CDH8: variants seen among roughly 807,000 people sequenced by gnomAD.
CDH8 encodes cadherin-8.
In CDH8, 17 loss-of-function variants were observed where a neutral mutation model predicts 68.1. That is an observed-to-expected ratio of 0.25 (90% CI 0.17 to 0.37). CDH8 has a LOEUF of 0.37. Among genes scored for constraint, CDH8 ranks in the 10% least tolerant of loss-of-function variants. The pLI is 1.00. For synonymous variants in CDH8, 372 were observed against 365.1 expected, an observed-to-expected ratio of 1.02 and a Z score of -0.21; for missense variants, 763 against 999.3, an observed-to-expected ratio of 0.76 and a Z score of 3.19.
At chr16:61,777,223 C>T (rs1297030858) in intron 8 of CDH8, among the ~76,000 whole-genome samples, 2 of 152,108 alleles carry the variant, frequency 1.3e-5, no homozygotes, top group East Asian at 3.9e-4. Context: ...CAATACTATC[C>T]TACCTTTAAA....
At chr16:61,855,676 A>T (rs1449854011) in intron 4 of CDH8, among the ~76,000 whole-genome samples, 1 of 152,164 alleles carries the variant, frequency 6.6e-6, no homozygotes, top group Non-Finnish European at 1.5e-5. Context: ...CATCTAACAC[A>T]TTTCTGTCTT....
At chr16:61,729,680 ATAAT>A (rs1301028446) in intron 8 of CDH8, among the ~76,000 whole-genome samples, 1 of 151,374 alleles carries the variant, frequency 6.6e-6, no homozygotes, top group Non-Finnish European at 1.5e-5. Flanking sequence ...GTGTGTGTAA[ATAAT>A]TAAAGAAACT....
chr16:61,750,955 G>C (rs1185549554), intron 8 of CDH8, among the ~76,000 whole-genome samples: 1 of 151,904 alleles, frequency 6.6e-6, no homozygotes, highest in Non-Finnish European at 1.5e-5. Context: ...AGAATTAATT[G>C]CCTAATGTAT....
rs34925928 is a variant in CDH8, at chr16:61,992,077, T to TGTGTGTGTGTGTGTGTGAGAGA, written c.252+29074_252+29075insTCTCTCACACACACACACACAC. Among the ~76,000 whole-genome samples, 746 of 144,222 alleles carry TGTGTGTGTGTGTGTGTGAGAGA rather than the reference T, an allele frequency of 5.2e-3. 9 individuals are homozygous for TGTGTGTGTGTGTGTGTGAGAGA. Among genetic ancestry groups the TGTGTGTGTGTGTGTGTGAGAGA allele is most frequent in the African/African-American group, 0.017 (670 of 38,434 alleles). The allele number at this position is 144,222 out of a possible 152,430, so 94.6% of individuals were successfully genotyped here. A position where few individuals can be genotyped will look rare whatever the true frequency, so the allele number is the denominator to read the frequency against. Reference sequence around the variant, plus strand: ...GTGTGTGTGTGTGTGTGTGTGTGTGTGAGAGAGAGAGAGAGATTTTTACAG... The same window carrying TGTGTGTGTGTGTGTGTGAGAGA: ...GTGTGTGTGTGTGTGTGTGTGTGTGTGTGTGTGTGTGTGTGTGAGAGAGAGAGAGAGAGAGAGATTTTTACAG... On this transcript the variant is annotated intron_variant, in intron 2 of 11. Coordinates refer to ENST00000577390, the MANE Select transcript of CDH8 (RefSeq NM_001796.5).
intron 3 of CDH8, among the ~76,000 whole-genome samples, chr16:61,877,085 C>T (rs1963476116): frequency 1.3e-5 from 2 of 152,124 alleles, no homozygotes; most frequent in Non-Finnish European, 2.9e-5. Context: ...CATTAGGTGT[C>T]ATTTCCTTTA....
intron 8 of CDH8, among the ~76,000 whole-genome samples, chr16:61,757,660 G>A (rs1483949773): frequency 3.3e-5 from 5 of 152,068 alleles, no homozygotes; most frequent in African/African-American, 1.2e-4. Context: ...CTCTCTTGGG[G>A]TACTTCATCT....
intron 1 of CDH8, among the ~76,000 whole-genome samples, chr16:62,021,820 T>C (rs899928697): frequency 1.3e-5 from 2 of 152,210 alleles, no homozygotes; most frequent in Admixed American, 1.3e-4. Context: ...CTATGTGACC[T>C]ATCAGAAACT....
chr16:61,836,583 T>A (rs1339446418), intron 4 of CDH8, among the ~76,000 whole-genome samples: 2 of 151,956 alleles, frequency 1.3e-5, no homozygotes, highest in Non-Finnish European at 2.9e-5. Flanking sequence ...TTCCATTGCT[T>A]TAAAACAGGG....
In CDH8 at chr16:61,738,472, T is replaced by C. The variant is rs1020512159; in HGVS notation, c.1415-11257A>G. Among the ~76,000 whole-genome samples, 2 of 152,186 alleles carry C rather than the reference T, an allele frequency of 1.3e-5. 1 individual carries two copies. Among genetic ancestry groups the C allele is most frequent in the South Asian group, 4.1e-4 (2 of 4,828 alleles). ...TCTTGAAAACCAGGGTAGGCACATTTACGGTTGTAAAATTTTAATCCGATG... is the reference window on the plus strand; with the variant it reads ...TCTTGAAAACCAGGGTAGGCACATTCACGGTTGTAAAATTTTAATCCGATG... On this transcript the variant is annotated intron_variant, in intron 8 of 11. Coordinates refer to ENST00000577390, the MANE Select transcript of CDH8 (RefSeq NM_001796.5).
rs189263107 is a variant in CDH8 at position 61,661,873 on chromosome 16, A to T, written c.1655-6152T>A. Among the ~76,000 whole-genome samples, 287 of 151,616 alleles carry T rather than the reference A, an allele frequency of 1.9e-3. 1 individual carries two copies. The highest frequency in any genetic ancestry group is 0.017 in the South Asian group (81 of 4,814). ...TCAAGTATTATTGTTTTCATTTTTT[A>T]AAAAAAATCTTAGTACACTAATGAG... On this transcript the variant is annotated intron_variant, in intron 10 of 11. Transcript: ENST00000577390.
At chr16:61,795,727 T>C (rs1961482510) in intron 7 of CDH8, among the ~76,000 whole-genome samples, 1 of 152,134 alleles carries the variant, frequency 6.6e-6, no homozygotes, top group African/African-American at 2.4e-5. Flanking sequence ...GAATTCTTTA[T>C]GTGACACTCA....
intron 2 of CDH8, among the ~76,000 whole-genome samples, chr16:61,986,382 T>A (rs551713059): frequency 6.6e-6 from 1 of 152,292 alleles, no homozygotes; most frequent in East Asian, 1.9e-4. Flanking sequence ...TCTCTTTTGA[T>A]CTTTGAATTC....
intron 2 of CDH8, among the ~76,000 whole-genome samples, chr16:62,018,316 A>G (rs1901991497): frequency 6.6e-6 from 1 of 152,164 alleles, no homozygotes; most frequent in Non-Finnish European, 1.5e-5. Context: ...TCTGCCCTTG[A>G]GCTTGAACTC....
intron 2 of CDH8, among the ~76,000 whole-genome samples, chr16:61,951,755 T>A (rs895736088): frequency 6.6e-6 from 1 of 152,186 alleles, no homozygotes; most frequent in Admixed American, 6.5e-5. Context: ...TGTTAATTCC[T>A]TCATGCCTCT....
rs554991638 is a variant in CDH8, at chr16:61,904,870, A to G, written c.253-3397T>C. ...TATACCTTGTTCACATAAAGGCAAC[A>G]ACACTGCCCTGTCAACATATCCACC... On this transcript the variant is annotated intron_variant, in intron 2 of 11. Coordinates refer to ENST00000577390, the MANE Select transcript of CDH8 (RefSeq NM_001796.5). Among the ~76,000 whole-genome samples, 31 of 152,344 alleles carry G rather than the reference A, an allele frequency of 2.0e-4. 1 individual carries two copies. The South Asian group carries it at 6.2e-3, about 31-fold the overall frequency.
chr16:61,751,771 T>C (rs559567783), intron 8 of CDH8, among the ~76,000 whole-genome samples: 255 of 152,276 alleles, frequency 1.7e-3, no homozygotes, highest in Non-Finnish European at 2.9e-3. Flanking sequence ...TTATATTACA[T>C]TGAGTTGTGG....
intron 7 of CDH8, among the ~76,000 whole-genome samples, chr16:61,800,071 G>C (rs1019883646): frequency 1.3e-5 from 2 of 152,054 alleles, no homozygotes; most frequent in African/African-American, 4.8e-5. Context: ...ACCACGCCCG[G>C]CTATTTCTTT....
chr16:61,771,086 A>G (rs1401277219), intron 8 of CDH8, among the ~76,000 whole-genome samples: 2 of 151,916 alleles, frequency 1.3e-5, no homozygotes, highest in Non-Finnish European at 2.9e-5. Flanking sequence ...ACCAGGGGCC[A>G]TTTGTAGAAT....
rs573299936 is a variant in CDH8 at position 61,729,823 on chromosome 16, G to A, written c.1415-2608C>T. 2.0e-5 allele frequency among the ~76,000 whole-genome samples: 3 copies of A among 151,506 alleles called. No individual in the cohort carries two copies. In the South Asian group the frequency reaches 6.2e-4, roughly 31 times the overall value. ...GGGGCACAGTCTTAGAAAACTGAAA[G>A]TATAAGAAAAAGCTACCATATTCCT... On this transcript the variant is annotated intron_variant, in intron 8 of 11. Transcript: ENST00000577390.
Sources: allele counts gnomAD v4.1 joint callset (sites outside exome capture counted in the v4.1 genomes callset), GRCh38; gene constraint gnomAD v4.1.1; transcripts MANE v1.5; gene names NCBI Gene and HGNC (gene_info 2026-07-23, HGNC 2026-07-21).